SCRN3: variants seen among roughly 807,000 people sequenced by gnomAD.
SCRN3 encodes the protein secernin 3, also known as secernin-3.
In SCRN3, 39 loss-of-function variants were observed where a neutral mutation model predicts 43.1. The observed-to-expected ratio is 0.91, with a 90% CI of 0.70 to 1.18. The LOEUF (loss-of-function observed/expected upper bound fraction) is 1.18. Among genes scored for constraint, SCRN3 ranks in the 50% most tolerant of loss-of-function variants. The probability of loss-of-function intolerance (pLI) is 0.00; values close to 1 mark genes in which losing one functional copy is unlikely to be tolerated. For missense variants in SCRN3, 484 were observed against 498.0 expected (o/e 0.97, Z 0.27); for synonymous variants, 147 against 163.1 (o/e 0.90, Z 0.75).
intron 7 of SCRN3, among the ~76,000 whole-genome samples, chr2:174,426,702 G>A (rs1210915839): frequency 6.6e-6 from 1 of 151,990 alleles, no homozygotes; most frequent in Non-Finnish European, 1.5e-5. Context: ...AACCCAGGAG[G>A]CGGAGGTTGC....
In SCRN3 at chr2:174,399,929, A is replaced by G. The variant is rs376864903; in HGVS notation, c.167A>G (p.Tyr56Cys). The change falls in exon 3 of 8, where the codon TAT becomes TGT. Residue 56 changes from tyrosine (Y) to cysteine (C), a missense_variant. Tyr to Cys is a radical substitution (Grantham distance 194, BLOSUM62 -2). Transcript: ENST00000272732. Reference sequence around the variant, plus strand: ...TTTTTTTTTTTTTTACAGTGTACATATATAGAAATTGATCAAGTTCCTGAA... The same window carrying G: ...TTTTTTTTTTTTTTACAGTGTACATGTATAGAAATTGATCAAGTTCCTGAA... ...DNLGERLKCT[Y>C]IEIDQVPETY... 5.8e-5 allele frequency: 86 copies of G among 1,485,012 alleles called. No homozygotes were observed. In the South Asian group the frequency reaches 8.5e-4, roughly 15 times the overall value. The allele number at this position is 1,485,012 out of a possible 1,614,324, so 92.0% of individuals were successfully genotyped here. A position where few individuals can be genotyped will look rare whatever the true frequency, so the allele number is the denominator to read the frequency against.
intron 5 of SCRN3, among the ~76,000 whole-genome samples, chr2:174,419,699 G>T (rs1027921388): frequency 2.0e-5 from 3 of 152,046 alleles, no homozygotes; most frequent in Admixed American, 1.3e-4. Flanking sequence ...TGTGTTTTTT[G>T]TTGTTGTTGT....
At chr2:174,426,386 C>T (rs1686482114) in intron 7 of SCRN3, among the ~76,000 whole-genome samples, 1 of 152,152 alleles carries the variant, frequency 6.6e-6, no homozygotes, top group African/African-American at 2.4e-5. Context: ...AGTGTTTCCT[C>T]AGAAAAAAGC....
intron 7 of SCRN3, among the ~76,000 whole-genome samples, chr2:174,425,618 A>G (rs1686454868): frequency 6.6e-6 from 1 of 152,168 alleles, no homozygotes; most frequent in Non-Finnish European, 1.5e-5. Context: ...ACTTATGCTC[A>G]AAGCAACAAG....
chr2:174,428,609 A>G lies in SCRN3; in HGVS notation c.*714A>G, dbSNP rs537575453. 2.6e-5 allele frequency: 4 copies of G among 152,268 alleles called. No individual in the cohort carries two copies. Among genetic ancestry groups the G allele is most frequent in the African/African-American group, 7.2e-5 (3 of 41,556 alleles). 9.4% of individuals were successfully genotyped at this position (152,268 alleles called of 1,614,324 possible). ...TAAAAGAACCAAAACCTTAGGATAT[A>G]CTGTTTCTGGGTCTGAAATCTCTCT... On this transcript the variant is annotated 3_prime_UTR_variant, in exon 8 of 8. Transcript: ENST00000272732.
At chr2:174,422,006 A>G (rs1304425300) in intron 5 of SCRN3, among the ~76,000 whole-genome samples, 2 of 152,168 alleles carry the variant, frequency 1.3e-5, no homozygotes, top group Non-Finnish European at 2.9e-5. Context: ...AATAATTGAT[A>G]AAAAGAAGAC....
intron 3 of SCRN3, among the ~76,000 whole-genome samples, chr2:174,400,747 A>G (rs1353566589): frequency 1.3e-5 from 2 of 152,206 alleles, no homozygotes; most frequent in Admixed American, 6.5e-5. Flanking sequence ...TGAGGTTCAG[A>G]GATAAAGTAA....
intron 4 of SCRN3, among the ~76,000 whole-genome samples, chr2:174,401,856 T>C (rs1685518553): frequency 2.0e-5 from 3 of 152,188 alleles, no homozygotes; most frequent in African/African-American, 4.8e-5. Flanking sequence ...ATCATGTCCT[T>C]CTCGGGTATT....
At chr2:174,426,970 C>G (rs969458826) in intron 7 of SCRN3, among the ~76,000 whole-genome samples, 1 of 151,740 alleles carries the variant, frequency 6.6e-6, no homozygotes, top group Admixed American at 6.6e-5. Context: ...GTAGCTGGGA[C>G]TACAGGCGTG....
intron 5 of SCRN3, among the ~76,000 whole-genome samples, chr2:174,412,767 A>C (rs1574659578): frequency 6.6e-6 from 1 of 152,026 alleles, no homozygotes; most frequent in Admixed American, 6.5e-5. Flanking sequence ...GCCTACCCTA[A>C]GCTGCACATA....
At chr2:174,424,720 G>C in intron 7 of SCRN3, 71 bp downstream of exon 7, 2 of 1,224,656 alleles carry the variant, frequency 1.6e-6, no homozygotes, top group Non-Finnish European at 2.3e-6. Context: ...TTGAACTTTG[G>C]AGTATCAGCT....
At chr2:174,421,848 A>G (rs565008456) in intron 5 of SCRN3, among the ~76,000 whole-genome samples, 1 of 152,300 alleles carries the variant, frequency 6.6e-6, no homozygotes, top group East Asian at 1.9e-4. Context: ...ATAGGCAGTA[A>G]TTGGAGCTAA....
chr2:174,421,831 A>G (rs546733676), intron 5 of SCRN3, among the ~76,000 whole-genome samples: 169 of 152,320 alleles, frequency 1.1e-3, no homozygotes, highest in African/African-American at 3.8e-3. Context: ...TTAGAATAGC[A>G]CAAAAGATAG....
intron 2 of SCRN3, 34 bp downstream of exon 2, chr2:174,398,476 C>G (rs2105556133): frequency 1.9e-6 from 3 of 1,539,814 alleles, no homozygotes; most frequent in Non-Finnish European, 2.6e-6. Flanking sequence ...AGCAATATGC[C>G]TTTTAAAAAT....
chr2:174,423,751 G>A (rs1039310028), intron 6 of SCRN3, among the ~76,000 whole-genome samples: 3 of 149,250 alleles, frequency 2.0e-5, no homozygotes, highest in Admixed American at 6.7e-5. Flanking sequence ...TTACAGGCGT[G>A]AGCCACCGCA....
intron 5 of SCRN3, among the ~76,000 whole-genome samples, chr2:174,414,937 T>A (rs1157706667): frequency 6.6e-6 from 1 of 152,036 alleles, no homozygotes; most frequent in African/African-American, 2.4e-5. Flanking sequence ...CTAATTTTTT[T>A]ATTTTTTGTA....
intron 5 of SCRN3, among the ~76,000 whole-genome samples, chr2:174,417,341 C>G (rs1455087993): frequency 6.6e-6 from 1 of 152,042 alleles, no homozygotes; most frequent in African/African-American, 2.4e-5. Flanking sequence ...CACCTACTCC[C>G]ATTTATTAAG....
chr2:174,406,920 C>CT (rs1343616478), intron 5 of SCRN3, among the ~76,000 whole-genome samples: 1 of 117,654 alleles, frequency 8.5e-6, no homozygotes, highest in South Asian at 2.7e-4. Context: ...CTAAAATTCT[C>CT]TTTTTTGGTT....
At chr2:174,410,766 T>C (rs143979701) in intron 5 of SCRN3, among the ~76,000 whole-genome samples, 7 of 152,318 alleles carry the variant, frequency 4.6e-5, no homozygotes, top group African/African-American at 9.6e-5. Flanking sequence ...TGAGCAGATA[T>C]AGGAATTCCC....
Sources: gnomAD v4.1 joint callset for allele counts (sites outside exome capture counted in the v4.1 genomes callset) on GRCh38, gnomAD v4.1.1 for gene constraint, MANE v1.5 for transcripts, NCBI Gene and HGNC (gene_info 2026-07-23, HGNC 2026-07-21) for gene names.